Variants in PADI2 observed in about 807,000 individuals in gnomAD.
The protein encoded by PADI2 is peptidyl arginine deiminase 2, also known as protein-arginine deiminase type-2.
Under a neutral mutation model 81.1 loss-of-function variants are expected in PADI2, and 70 were observed. The observed-to-expected ratio is 0.86, with a 90% confidence interval of 0.71 to 1.05. The LOEUF is 1.05. Among genes scored for constraint, PADI2 ranks in the 50% least tolerant of loss-of-function variants. PADI2 has a pLI of 0.00. For synonymous variants in PADI2, 338 were observed against 358.0 expected (o/e 0.94, Z 0.63); for missense variants, 853 against 889.9 (o/e 0.96, Z 0.53).
rs1412347108 is a variant in PADI2, at chr1:17,114,152, G to T, written c.92+5128C>A. On this transcript the variant is annotated intron_variant, in intron 1 of 15. Transcript: ENST00000375486. Reference sequence around the variant, plus strand: ...ATTCTCTCAGGAGCAAGCGCTGCTCGGGCCAAGCTTGGCCACATGCCCTTG... The same window carrying T: ...ATTCTCTCAGGAGCAAGCGCTGCTCTGGCCAAGCTTGGCCACATGCCCTTG... 2.0e-5 allele frequency among the ~76,000 whole-genome samples: 3 copies of T among 152,200 alleles called. 1 individual carries two copies. The highest frequency in any genetic ancestry group is 4.4e-5 in the Non-Finnish European group (3 of 68,022).
At chr1:17,093,511 G>A in intron 5 of PADI2, 56 bp downstream of exon 5, 2 of 1,160,578 alleles carry the variant, frequency 1.7e-6, no homozygotes, top group East Asian at 2.4e-5. Context: ...CCAGGACTGG[G>A]CATGAATCTT....
In PADI2 at chr1:17,115,790, T is replaced by C. The variant is rs1198928536; in HGVS notation, c.92+3490A>G. Among the ~76,000 whole-genome samples the C allele has an allele frequency of 1.3e-5, 2 of 151,872 alleles. No homozygotes were observed. The highest frequency in any genetic ancestry group is 2.9e-5 in the Non-Finnish European group (2 of 67,974). Reference sequence around the variant, plus strand: ...GTACCTGTGCCAAGACTAAGATGAGTATATTTGGGAAGAGCAGAAGGAAAC... The same window carrying C: ...GTACCTGTGCCAAGACTAAGATGAGCATATTTGGGAAGAGCAGAAGGAAAC... On this transcript the variant is annotated intron_variant, in intron 1 of 15. Transcript: ENST00000375486. The surrounding 1 kb of genome is among the most constrained non-coding windows in gnomAD (Gnocchi z 4.1).
At chr1:17,092,257 T>C (rs1292355930) in intron 6 of PADI2, 151 bp downstream of exon 6, 1 of 555,964 alleles carries the variant, frequency 1.8e-6, no homozygotes, top group East Asian at 3.1e-5. Context: ...GTCTTTCAAC[T>C]TCACGGGACA....
At chr1:17,070,709 C>T (rs567547973) in intron 14 of PADI2, among the ~76,000 whole-genome samples, 54 of 152,090 alleles carry the variant, frequency 3.6e-4, no homozygotes, top group Non-Finnish European at 6.8e-4. Context: ...TTGCCCACGC[C>T]GGAGTGCAGT....
At chr1:17,085,439 C>T (rs1402773690) in intron 7 of PADI2, among the ~76,000 whole-genome samples, 10 of 152,078 alleles carry the variant, frequency 6.6e-5, no homozygotes, top group Non-Finnish European at 1.3e-4. Context: ...GTCAGGCTGC[C>T]CTGGGCATGG....
chr1:17,086,434 G>C, intron 7 of PADI2, 87 bp downstream of exon 7: 1 of 1,146,226 alleles, frequency 8.7e-7, no homozygotes, highest in South Asian at 1.5e-5. Flanking sequence ...GAGCAGGGTG[G>C]AGCATAGCAT....
chr1:17,099,283 GAAGGCATAGGATC>G (rs2101600170), intron 3 of PADI2, among the ~76,000 whole-genome samples: 1 of 152,294 alleles, frequency 6.6e-6, no homozygotes, highest in African/African-American at 2.4e-5. Context: ...CCTCTGGGGA[GAAGGCATAGGATC>G]AAGCCCCTTA....
intron 1 of PADI2, among the ~76,000 whole-genome samples, chr1:17,110,175 C>T (rs2101611071): frequency 6.6e-6 from 1 of 152,270 alleles, no homozygotes; most frequent in East Asian, 1.9e-4. Context: ...TCGCAGAAAC[C>T]CGAGAGCCAG....
At chr1:17,083,035 A>G in intron 9 of PADI2, 1 of 21,334 alleles carries the variant, frequency 4.7e-5, no homozygotes, top group Admixed American at 5.4e-4. Context: ...ATGCCAGGCT[A>G]ATTTTTAAAT....
intron 1 of PADI2, among the ~76,000 whole-genome samples, chr1:17,116,896 A>T (rs745446812): frequency 2.6e-5 from 4 of 152,174 alleles, no homozygotes; most frequent in Non-Finnish European, 5.9e-5. Context: ...TAGCAGTAAC[A>T]ACTCAAGCTC....
At chr1:17,083,622 C>A in intron 9 of PADI2, 104 bp downstream of exon 9, 1 of 732,518 alleles carries the variant, frequency 1.4e-6, no homozygotes, top group Non-Finnish European at 2.5e-6. Context: ...CAGAAGAATC[C>A]CCATCTGCAG....
intron 5 of PADI2, among the ~76,000 whole-genome samples, chr1:17,092,776 C>G (rs554866653): frequency 2.0e-5 from 3 of 151,266 alleles, no homozygotes; most frequent in Non-Finnish European, 4.4e-5. Flanking sequence ...TAGCAAGACC[C>G]CATCTTTACA....
intron 3 of PADI2, among the ~76,000 whole-genome samples, chr1:17,102,751 TG>T (rs3036928): frequency 0.049 from 6,887 of 139,596 alleles, 525 homozygotes; most frequent in African/African-American, 0.16. Flanking sequence ...CCTTGACACT[TG>T]GGGGGGGGTT....
intron 4 of PADI2, among the ~76,000 whole-genome samples, chr1:17,094,678 T>C (rs1570993638): frequency 6.6e-6 from 1 of 152,300 alleles, no homozygotes; most frequent in Middle Eastern, 3.4e-3. Context: ...TAAAAGATGC[T>C]CAGCAAATAT....
At chr1:17,101,098 TTAAA>T (rs1400407419) in intron 3 of PADI2, among the ~76,000 whole-genome samples, 4 of 152,248 alleles carry the variant, frequency 2.6e-5, no homozygotes, top group African/African-American at 9.6e-5. Context: ...CTTGTGGCAG[TTAAA>T]TAAATAATTA....
At chr1:17,096,116 A>T in intron 3 of PADI2, 146 bp from the exon 4 acceptor site, 1 of 508,876 alleles carries the variant, frequency 2.0e-6, no homozygotes, top group Non-Finnish European at 3.5e-6. Flanking sequence ...ATCTTATGCA[A>T]CCCCCTGCCT....
chr1:17,092,390 T>C lies in PADI2; in HGVS notation c.655+18A>G. 14 of 1,587,092 alleles carry C rather than the reference T, an allele frequency of 8.8e-6. No homozygotes were observed. The highest frequency in any genetic ancestry group is 1.2e-5 in the Non-Finnish European group (14 of 1,166,874). On this transcript the variant is annotated intron_variant, in intron 6 of 15. Transcript: ENST00000375486. ...GTGGCTAGAAAGGTCTAGGCTGGAC[T>C]GGGCTGGGATCACTCACTCTCCACG...
intron 13 of PADI2, among the ~76,000 whole-genome samples, chr1:17,072,912 C>T (rs937029165): frequency 1.3e-5 from 2 of 152,130 alleles, no homozygotes; most frequent in Admixed American, 1.3e-4. Flanking sequence ...CTCAAGCTTG[C>T]CAATCCAAGA....
intron 3 of PADI2, among the ~76,000 whole-genome samples, chr1:17,102,198 T>A (rs1363304363): frequency 6.6e-6 from 1 of 152,200 alleles, no homozygotes; most frequent in Non-Finnish European, 1.5e-5. Flanking sequence ...CCCTCTGAAA[T>A]GTCCTCTTGG....
Sources: allele counts gnomAD v4.1 joint callset (sites outside exome capture counted in the v4.1 genomes callset), GRCh38; gene constraint gnomAD v4.1.1; non-coding constraint Gnocchi (gnomAD v3.1); transcripts MANE v1.5; gene names NCBI Gene and HGNC (gene_info 2026-07-23, HGNC 2026-07-21).